The following PLAG1 variants were observed in gnomAD, a reference collection of about 807,000 sequenced individuals.
PLAG1 encodes the protein PLAG1 zinc finger.
PLAG1 carries 7 observed loss-of-function variants against 35.5 expected under a neutral mutation model. The observed-to-expected ratio is 0.20, with a 90% CI of 0.11 to 0.37. PLAG1 has a LOEUF of 0.37. Ranked by LOEUF, PLAG1 falls within the 10% of genes least tolerant of loss-of-function variation. The probability of loss-of-function intolerance (pLI) is 1.00; values close to 1 mark genes in which losing one functional copy is unlikely to be tolerated. For synonymous variants in PLAG1, 229 were observed against 225.4 expected, an observed-to-expected ratio of 1.02 and a Z score of -0.14; for missense variants, 454 against 602.8, an observed-to-expected ratio of 0.75 and a Z score of 2.58.
At chr8:56,204,884 A>C (rs140193643) in intron 1 of PLAG1, among the ~76,000 whole-genome samples, 2 of 152,052 alleles carry the variant, frequency 1.3e-5, no homozygotes, top group Admixed American at 1.3e-4. Context: ...CTTTTAAGAA[A>C]AGATGCCCCC....
At chr8:56,205,536 C>A (rs1054672669) in intron 1 of PLAG1, among the ~76,000 whole-genome samples, 51 of 151,716 alleles carry the variant, frequency 3.4e-4, no homozygotes, top group African/African-American at 1.1e-3. Context: ...AAAATTACAA[C>A]TTTTGCCTTG....
At chr8:56,210,299 T>G (rs1400237788) in intron 1 of PLAG1, among the ~76,000 whole-genome samples, 1 of 152,102 alleles carries the variant, frequency 6.6e-6, no homozygotes, top group Non-Finnish European at 1.5e-5. Context: ...AATTTTTATT[T>G]GGTTATATGC....
At position 56,164,600 on chromosome 8, in the gene PLAG1, C is replaced by G; in HGVS notation, c.*1643G>C. ...GAGATATATACTCTTCTAAAAACCT[C>G]CCACCCTTGCCCCCATCCCCAACGG... On this transcript the variant is annotated 3_prime_UTR_variant, in exon 5 of 5. Coordinates refer to ENST00000316981, the MANE Select transcript of PLAG1 (RefSeq NM_002655.3). The G allele has an allele frequency of 4.5e-6, 1 of 222,356 alleles. No homozygotes were observed. The highest frequency in any genetic ancestry group is 9.0e-6 in the Non-Finnish European group (1 of 111,104). 13.8% of individuals were successfully genotyped at this position (222,356 alleles called of 1,614,324 possible).
chr8:56,198,497 C>A (rs1457283851), intron 1 of PLAG1, among the ~76,000 whole-genome samples: 2 of 152,218 alleles, frequency 1.3e-5, no homozygotes, highest in South Asian at 4.1e-4. Flanking sequence ...AAAGGACAAC[C>A]CCCGCTCTGC....
intron 1 of PLAG1, among the ~76,000 whole-genome samples, chr8:56,194,316 C>CAAA (rs544697171): frequency 8.9e-5 from 5 of 56,266 alleles, no homozygotes; most frequent in Admixed American, 3.8e-4. Flanking sequence ...AACTCTGTCT[C>CAAA]AAAAAAAAAA....
Position 56,168,255 on chromosome 8 carries a change from A to G in PLAG1, c.15T>C (p.Ile5=). 2 of 1,612,468 alleles carry G rather than the reference A, an allele frequency of 1.2e-6. No individual in the cohort carries two copies. Among genetic ancestry groups the G allele is most frequent in the Admixed American group, 1.7e-5 (1 of 59,914 alleles). Residue 5 remains isoleucine (I), a synonymous_variant, in exon 4 of 5, where the codon ATT becomes ATC. Transcript: ENST00000316981. ...CTCTTACTTCTGACAAATCACCAGG[A>G]ATGACAGTGGCCATCGCAGCCTAAA... The part of the protein sequence containing the change: MATV[I]PGDLSEVRDT...
In PLAG1 at chr8:56,161,888, T is replaced by C. The variant is rs539874016; in HGVS notation, c.*4355A>G. ...ATCTGTACCACTGAAGCTTATATAATGAAGTGTTTTATACATTAGCAATAG... is the reference window on the plus strand; with the variant it reads ...ATCTGTACCACTGAAGCTTATATAACGAAGTGTTTTATACATTAGCAATAG... On this transcript the variant is annotated 3_prime_UTR_variant, in exon 5 of 5. Transcript: ENST00000316981. 2.6e-5 allele frequency: 6 copies of C among 227,958 alleles called. No homozygotes were observed. Among genetic ancestry groups the C allele is most frequent in the African/African-American group, 1.1e-4 (5 of 45,136 alleles). The allele number at this position is 227,958 out of a possible 1,614,324, so 14.1% of individuals were successfully genotyped here.
chr8:56,173,522 C>T (rs1811592597), intron 2 of PLAG1, among the ~76,000 whole-genome samples: 1 of 151,656 alleles, frequency 6.6e-6, no homozygotes, highest in Non-Finnish European at 1.5e-5. Context: ...ACTTAAAAAG[C>T]ACCAGGAGTA....
chr8:56,205,321 T>C (rs1190474301), intron 1 of PLAG1, among the ~76,000 whole-genome samples: 1 of 151,842 alleles, frequency 6.6e-6, no homozygotes, highest in East Asian at 1.9e-4. Flanking sequence ...TTTATAAAAA[T>C]AGCAAAAAGT....
intron 1 of PLAG1, among the ~76,000 whole-genome samples, chr8:56,196,955 T>TGC (rs1812391342): frequency 9.2e-6 from 1 of 109,238 alleles, no homozygotes; most frequent in Non-Finnish European, 2.2e-5. Context: ...AGTGTGCGTG[T>TGC]GTGTGTGTGT....
intron 1 of PLAG1, among the ~76,000 whole-genome samples, chr8:56,190,578 C>T (rs1261401988): frequency 1.3e-5 from 2 of 152,154 alleles, no homozygotes; most frequent in African/African-American, 4.8e-5. Context: ...ACTAAGTCCA[C>T]ATTCCTCTTT....
chr8:56,163,673 G>GTATATATATA lies in PLAG1; in HGVS notation c.*2569_*2570insTATATATATA, dbSNP rs149010925. 1 of 186,430 alleles carries GTATATATATA rather than the reference G, an allele frequency of 5.4e-6. No homozygotes were observed. Among genetic ancestry groups the GTATATATATA allele is most frequent in the East Asian group, 8.4e-5 (1 of 11,848 alleles). 11.5% of individuals were successfully genotyped at this position (186,430 alleles called of 1,614,324 possible). ...AAGATTTAAGTATGTGTGTGTGTGT[G>GTATATATATA]TATATATACACACACACACACACAC... On this transcript the variant is annotated 3_prime_UTR_variant, in exon 5 of 5. Coordinates refer to ENST00000316981, the MANE Select transcript of PLAG1 (RefSeq NM_002655.3).
In PLAG1 at chr8:56,167,892, C is replaced by G. The variant is rs1811407620; in HGVS notation, c.242+136G>C. The G allele has an allele frequency of 1.8e-6, 1 of 564,700 alleles. No homozygotes were observed. The highest frequency in any genetic ancestry group is 3.1e-6 in the Non-Finnish European group (1 of 320,044). 35.0% of individuals were successfully genotyped at this position (564,700 alleles called of 1,614,324 possible). A position where few individuals can be genotyped will look rare whatever the true frequency, so the allele number is the denominator to read the frequency against. ...GTGATTTAGAATACTAAAAACTAAACCAATGTCTAATCTACTTAACATTTC... is the reference window on the plus strand; with the variant it reads ...GTGATTTAGAATACTAAAAACTAAAGCAATGTCTAATCTACTTAACATTTC... On this transcript the variant is annotated intron_variant, in intron 4 of 4. Transcript: ENST00000316981. The surrounding 1 kb of genome is among the most constrained non-coding windows in gnomAD (Gnocchi z 5.9).
chr8:56,198,499 C>T (rs1812448852), intron 1 of PLAG1, among the ~76,000 whole-genome samples: 1 of 152,214 alleles, frequency 6.6e-6, no homozygotes, highest in Admixed American at 6.5e-5. Context: ...AGGACAACCC[C>T]CGCTCTGCTC....
chr8:56,195,836 C>T (rs186759770), intron 1 of PLAG1, among the ~76,000 whole-genome samples: 44 of 152,192 alleles, frequency 2.9e-4, no homozygotes, highest in African/African-American at 8.9e-4. Context: ...AAGACAGAGC[C>T]CAAGATGGGC....
chr8:56,182,332 A>T (rs192322998), intron 1 of PLAG1, among the ~76,000 whole-genome samples: 141 of 152,320 alleles, frequency 9.3e-4, no homozygotes, highest in African/African-American at 3.3e-3. Flanking sequence ...AAGAAAGACA[A>T]TGATAGTTGT....
At chr8:56,195,882 G>A (rs544794575) in intron 1 of PLAG1, among the ~76,000 whole-genome samples, 60 of 152,134 alleles carry the variant, frequency 3.9e-4, no homozygotes, top group Non-Finnish European at 8.4e-4. Context: ...TACAGCTCGG[G>A]GCACTTGTCT....
At chr8:56,191,479 G>A (rs1285673911) in intron 1 of PLAG1, among the ~76,000 whole-genome samples, 1 of 152,172 alleles carries the variant, frequency 6.6e-6, no homozygotes, top group Non-Finnish European at 1.5e-5. Context: ...CAAGCATTAT[G>A]CAAATGTGAG....
intron 1 of PLAG1, among the ~76,000 whole-genome samples, chr8:56,207,102 T>C (rs1229575170): frequency 1.3e-5 from 2 of 151,952 alleles, no homozygotes; most frequent in Non-Finnish European, 2.9e-5. Flanking sequence ...CTGGTAATTT[T>C]TTATATATCT....
Sources: allele counts gnomAD v4.1 joint callset (sites outside exome capture counted in the v4.1 genomes callset), GRCh38; gene constraint gnomAD v4.1.1; non-coding constraint Gnocchi (gnomAD v3.1); transcripts MANE v1.5; gene names NCBI Gene and HGNC (gene_info 2026-07-23, HGNC 2026-07-21).